Variants in UNC5C observed in about 807,000 individuals in gnomAD.
UNC5C encodes the protein unc-5 netrin receptor C.
Under a neutral mutation model 99.8 loss-of-function variants are expected in UNC5C, and 47 were observed. The ratio of observed to expected loss-of-function variants is 0.47; its 90% CI spans 0.37 to 0.60. The LOEUF (loss-of-function observed/expected upper bound fraction) is 0.60. UNC5C is among the 20% of genes least tolerant of loss of function. UNC5C has a pLI of 0.00. For synonymous variants in UNC5C, 487 were observed against 452.2 expected (o/e 1.08, Z -0.98); for missense variants, 1,062 against 1,165.9 (o/e 0.91, Z 1.30).
At chr4:95,489,854 TTAAC>T (rs1251962852) in intron 1 of UNC5C, among the ~76,000 whole-genome samples, 3 of 151,616 alleles carry the variant, frequency 2.0e-5, no homozygotes, top group Non-Finnish European at 3.0e-5. Context: ...AGTGGAGACA[TTAAC>T]TATGCAGATG....
At chr4:95,537,996 A>G (rs936862459) in intron 1 of UNC5C, among the ~76,000 whole-genome samples, 7 of 152,208 alleles carry the variant, frequency 4.6e-5, no homozygotes, top group Admixed American at 2.6e-4. Flanking sequence ...TCTGAATGTC[A>G]GCTTAAGCTT....
At chr4:95,245,780 G>A (rs1454707045) in intron 5 of UNC5C, among the ~76,000 whole-genome samples, 1 of 152,346 alleles carries the variant, frequency 6.6e-6, no homozygotes, top group Admixed American at 6.5e-5. Flanking sequence ...TGATGGAGCT[G>A]TCAGCATATG....
At chr4:95,192,284 TCTTCTCACCTCCTCCC>T (rs1250272905) in intron 12 of UNC5C, among the ~76,000 whole-genome samples, 15 of 102,186 alleles carry the variant, frequency 1.5e-4, no homozygotes, top group South Asian at 3.9e-4. Flanking sequence ...TCTGCCCACC[TCTTCTCACCTCCTCCC>T]CTTCTCACCT....
chr4:95,175,976 G>A (rs1448417625), intron 14 of UNC5C, among the ~76,000 whole-genome samples: 3 of 151,292 alleles, frequency 2.0e-5, no homozygotes, highest in East Asian at 1.9e-4. Context: ...CTTCCTTCTC[G>A]CTTCATTTCA....
At chr4:95,411,935 C>G (rs185669703) in intron 1 of UNC5C, among the ~76,000 whole-genome samples, 283 of 151,956 alleles carry the variant, frequency 1.9e-3, no homozygotes, top group African/African-American at 6.6e-3. Flanking sequence ...CCTTCCCTGG[C>G]CTCTTGTCAT....
chr4:95,196,513 A>C (rs1283723350), intron 12 of UNC5C, among the ~76,000 whole-genome samples: 2 of 151,872 alleles, frequency 1.3e-5, no homozygotes, highest in East Asian at 3.9e-4. Flanking sequence ...AGTCACTGCC[A>C]ACATGCTAAT....
rs201589427 is a variant in UNC5C, at chr4:95,548,728, C to T, written c.124+6G>A. The T allele has an allele frequency of 2.5e-4, 402 of 1,612,478 alleles. 3 individuals carry two copies. The Middle Eastern group carries it at 2.9e-3, about 12-fold the overall frequency. ...GGTGGCCGCGGAGCTTGGCGGACCC[C>T]CTTACCTTGGGCGGCGGAGCCAGTG... is the stretch of plus-strand genomic sequence containing the variant. On this transcript the variant is annotated splice_donor_region_variant and intron_variant, in intron 1 of 15. Coordinates refer to ENST00000453304, the MANE Select transcript of UNC5C (RefSeq NM_003728.4).
At chr4:95,252,950 G>A (rs1468352842) in intron 4 of UNC5C, among the ~76,000 whole-genome samples, 1 of 152,192 alleles carries the variant, frequency 6.6e-6, no homozygotes, top group Non-Finnish European at 1.5e-5. Flanking sequence ...TTCAGGCTAT[G>A]TGCATAACAT....
At chr4:95,261,886 C>G (rs1392632615) in intron 4 of UNC5C, among the ~76,000 whole-genome samples, 1 of 151,970 alleles carries the variant, frequency 6.6e-6, no homozygotes, top group African/African-American at 2.4e-5. Flanking sequence ...TCTATTTTTA[C>G]TAGAGATGGG....
chr4:95,258,021 A>G (rs1289806813), intron 4 of UNC5C, among the ~76,000 whole-genome samples: 1 of 152,232 alleles, frequency 6.6e-6, no homozygotes, highest in Non-Finnish European at 1.5e-5. Flanking sequence ...AAGAGCCATA[A>G]CATACAATTT....
At chr4:95,516,405 T>A (rs1251726055) in intron 1 of UNC5C, among the ~76,000 whole-genome samples, 1 of 152,192 alleles carries the variant, frequency 6.6e-6, no homozygotes, top group East Asian at 1.9e-4. Context: ...AACCAAAATA[T>A]GCTGAGCACT....
At chr4:95,279,880 G>A (rs1301453543) in intron 3 of UNC5C, among the ~76,000 whole-genome samples, 5 of 152,128 alleles carry the variant, frequency 3.3e-5, no homozygotes, top group Non-Finnish European at 7.3e-5. Context: ...TGGGGGGGAT[G>A]GCTTTGGGAT....
At chr4:95,266,978 A>C (rs1250085127) in intron 4 of UNC5C, among the ~76,000 whole-genome samples, 1 of 152,228 alleles carries the variant, frequency 6.6e-6, no homozygotes, top group Non-Finnish European at 1.5e-5. Context: ...GATAAAAATG[A>C]AGCTACCAAA....
intron 4 of UNC5C, 95 bp downstream of exon 4, chr4:95,278,164 C>T: frequency 9.8e-7 from 1 of 1,016,514 alleles, no homozygotes; most frequent in African/African-American, 1.6e-5. Context: ...TTCATCATGC[C>T]ATACCCTAAT....
chr4:95,529,593 G>T lies in UNC5C; in HGVS notation c.124+19141C>A, dbSNP rs540664807. ...ACTAAAAAATCAGCTAGGCAGGGTG[G>T]TGCATCCCTGTAGGTCCCAGCTACT... On this transcript the variant is annotated intron_variant, in intron 1 of 15. Coordinates refer to ENST00000453304, the MANE Select transcript of UNC5C (RefSeq NM_003728.4). Among the ~76,000 whole-genome samples, 34 of 151,864 alleles carry T rather than the reference G, an allele frequency of 2.2e-4. No homozygotes were observed. In the South Asian group the frequency reaches 6.7e-3, roughly 30 times the overall value.
intron 7 of UNC5C, among the ~76,000 whole-genome samples, chr4:95,223,528 A>G (rs576914511): frequency 6.6e-6 from 1 of 152,262 alleles, no homozygotes; most frequent in South Asian, 2.1e-4. Flanking sequence ...TTCTGGAGAA[A>G]CATGCAGTGC....
chr4:95,376,548 C>T (rs1177565440), intron 1 of UNC5C, among the ~76,000 whole-genome samples: 1 of 152,010 alleles, frequency 6.6e-6, no homozygotes, highest in Non-Finnish European at 1.5e-5. Flanking sequence ...GTTTAAATAA[C>T]TCTTTCCAAG....
At chr4:95,299,354 C>T (rs1206024396) in intron 3 of UNC5C, among the ~76,000 whole-genome samples, 1 of 152,194 alleles carries the variant, frequency 6.6e-6, no homozygotes, top group Non-Finnish European at 1.5e-5. Context: ...ATTGCACTTC[C>T]AGCCTTCAGA....
intron 1 of UNC5C, among the ~76,000 whole-genome samples, chr4:95,524,631 C>A (rs1213610673): frequency 6.6e-6 from 1 of 152,144 alleles, no homozygotes. Context: ...TCCAGATCAC[C>A]ACACTTTCCA....
Sources: allele counts gnomAD v4.1 joint callset (sites outside exome capture counted in the v4.1 genomes callset), GRCh38; gene constraint gnomAD v4.1.1; transcripts MANE v1.5; gene names NCBI Gene and HGNC (gene_info 2026-07-23, HGNC 2026-07-21).